SPTLC1: variants seen among roughly 807,000 people sequenced by gnomAD.
SPTLC1 encodes the protein serine palmitoyltransferase long chain base subunit 1, also known as serine palmitoyltransferase 1.
Under a neutral mutation model 68.9 loss-of-function variants are expected in SPTLC1, and 55 were observed. That is an observed-to-expected ratio of 0.80 (90% CI 0.64 to 1.00). The LOEUF (loss-of-function observed/expected upper bound fraction) is 1.00. Ranked by LOEUF, SPTLC1 falls within the 50% of genes least tolerant of loss-of-function variation. The pLI, the probability that SPTLC1 is intolerant of heterozygous loss-of-function variation, is 0.00. For missense variants in SPTLC1, 449 were observed against 573.1 expected, an observed-to-expected ratio of 0.78 and a Z score of 2.21; for synonymous variants, 197 against 201.6, an observed-to-expected ratio of 0.98 and a Z score of 0.19.
chr9:92,085,914 T>A (rs1317876774), intron 3 of SPTLC1, among the ~76,000 whole-genome samples: 10 of 151,912 alleles, frequency 6.6e-5, no homozygotes, highest in African/African-American at 1.9e-4. Context: ...TGCTTTATGA[T>A]TCTGGGTGCT....
intron 5 of SPTLC1, among the ~76,000 whole-genome samples, chr9:92,075,682 C>T (rs1834658271): frequency 6.6e-6 from 1 of 152,192 alleles, no homozygotes; most frequent in Admixed American, 6.5e-5. Context: ...AGGCTATGCC[C>T]CACTCACCTT....
intron 10 of SPTLC1, 78 bp downstream of exon 10, chr9:92,047,535 T>A (rs1833559403): frequency 1.0e-6 from 1 of 962,384 alleles, no homozygotes; most frequent in Non-Finnish European, 1.6e-6. Flanking sequence ...TAAAATTTCG[T>A]ATTTCAAAAT....
At chr9:92,085,104 T>G (rs1374371136) in intron 3 of SPTLC1, among the ~76,000 whole-genome samples, 1 of 151,580 alleles carries the variant, frequency 6.6e-6, no homozygotes, top group Non-Finnish European at 1.5e-5. Flanking sequence ...TTATCATTTT[T>G]TATTGCATCT....
intron 3 of SPTLC1, among the ~76,000 whole-genome samples, chr9:92,100,601 C>CA (rs1327440949): frequency 3.1e-4 from 47 of 152,236 alleles, no homozygotes; most frequent in African/African-American, 1.1e-3. Context: ...CTCAAACCTG[C>CA]AGACCAGCCC....
chr9:92,098,777 A>G (rs533752485), intron 3 of SPTLC1, among the ~76,000 whole-genome samples: 2 of 152,330 alleles, frequency 1.3e-5, no homozygotes, highest in Admixed American at 1.3e-4. Flanking sequence ...GAGACAGGAA[A>G]TAGCCAATGC....
At chr9:92,056,413 G>C (rs1358549052) in intron 7 of SPTLC1, among the ~76,000 whole-genome samples, 2 of 152,156 alleles carry the variant, frequency 1.3e-5, no homozygotes, top group Non-Finnish European at 2.9e-5. Flanking sequence ...ATTTTTAGTA[G>C]AGATGGGGTT....
chr9:92,104,272 C>T (rs1208702599), intron 3 of SPTLC1, among the ~76,000 whole-genome samples: 3 of 152,182 alleles, frequency 2.0e-5, no homozygotes, highest in Non-Finnish European at 4.4e-5. Flanking sequence ...GCAACCTGCT[C>T]GTCTTGTCCG....
intron 13 of SPTLC1, 52 bp downstream of exon 13, chr9:92,038,196 G>C (rs1424947275): frequency 2.4e-5 from 30 of 1,227,776 alleles, no homozygotes; most frequent in Non-Finnish European, 3.0e-5. Context: ...AAATTGCTTG[G>C]GGCAAGGGCA....
At chr9:92,096,250 T>C (rs1301268345) in intron 3 of SPTLC1, among the ~76,000 whole-genome samples, 2 of 152,174 alleles carry the variant, frequency 1.3e-5, no homozygotes, top group Non-Finnish European at 2.9e-5. Flanking sequence ...GGTCCCTGTC[T>C]GATTATCCTA....
intron 6 of SPTLC1, among the ~76,000 whole-genome samples, chr9:92,065,136 T>C (rs1834237219): frequency 6.6e-6 from 1 of 152,246 alleles, no homozygotes. Flanking sequence ...ACAAGTGCTT[T>C]TGAATCTACA....
At chr9:92,110,437 A>G (rs947585470) in intron 2 of SPTLC1, 1 of 152,144 alleles carries the variant, frequency 6.6e-6, no homozygotes, top group African/African-American at 2.4e-5. Context: ...AATCAGTACA[A>G]CCCTTCTACT....
chr9:92,044,672 A>G (rs1833450725), intron 12 of SPTLC1, among the ~76,000 whole-genome samples: 1 of 152,236 alleles, frequency 6.6e-6, no homozygotes, highest in Non-Finnish European at 1.5e-5. Flanking sequence ...ACAAAGTAGC[A>G]GGGACAAGCA....
chr9:92,067,644 G>A (rs904653245), intron 6 of SPTLC1, among the ~76,000 whole-genome samples: 1 of 152,172 alleles, frequency 6.6e-6, no homozygotes, highest in Non-Finnish European at 1.5e-5. Context: ...AGACTTTGCC[G>A]GGCAGTCTGA....
At chr9:92,063,432 C>T (rs1170298864) in intron 6 of SPTLC1, among the ~76,000 whole-genome samples, 1 of 151,964 alleles carries the variant, frequency 6.6e-6, no homozygotes, top group African/African-American at 2.4e-5. Flanking sequence ...AGAATTCTAC[C>T]AAACAATTAA....
intron 5 of SPTLC1, among the ~76,000 whole-genome samples, chr9:92,076,534 C>A (rs1329646248): frequency 6.6e-6 from 1 of 152,172 alleles, no homozygotes; most frequent in African/African-American, 2.4e-5. Flanking sequence ...CTCAAGCTTA[C>A]TCTATCCTCT....
intron 2 of SPTLC1, chr9:92,109,889 C>T (rs550677736): frequency 6.6e-6 from 1 of 152,520 alleles, no homozygotes; most frequent in Non-Finnish European, 1.5e-5. Context: ...AGGAGAATCG[C>T]TTGAACCTGG....
rs1345862427 is a variant in SPTLC1, at chr9:92,038,364, T to C, written c.1138A>G (p.Ile380Val). The C allele has an allele frequency of 6.2e-7, 1 of 1,601,326 alleles. No homozygotes were observed. Among genetic ancestry groups the C allele is most frequent in the Non-Finnish European group, 8.6e-7 (1 of 1,168,654 alleles). The change falls in exon 13 of 15, where the codon ATT becomes GTT. Residue 380 changes from isoleucine to valine, a missense_variant and splice_region_variant. Physicochemically the swap from Ile to Val is conservative, Grantham distance 29. Around this residue, in one of 3 missense-constraint regions of SPTLC1, gnomAD observed 391 missense variants for 472.1 expected, o/e 0.83. Coordinates refer to ENST00000262554, the MANE Select transcript of SPTLC1 (RefSeq NM_006415.4). ...CGQIHKALQGISGLKVVGESL... is the reference protein window; with the variant it reads ...CGQIHKALQGVSGLKVVGESL... Reference sequence around the variant, plus strand: ...TCCCCCACCACTTTTAATCCAGAAATGCTGAAGAAGGGAAACACACACACA... The same window carrying C: ...TCCCCCACCACTTTTAATCCAGAAACGCTGAAGAAGGGAAACACACACACA...
At chr9:92,052,206 T>C (rs1291528770) in intron 8 of SPTLC1, among the ~76,000 whole-genome samples, 3 of 152,174 alleles carry the variant, frequency 2.0e-5, no homozygotes, top group African/African-American at 4.8e-5. Context: ...AAAGCTACAA[T>C]AATTGACACA....
At chr9:92,079,921 G>T in intron 5 of SPTLC1, 95 bp downstream of exon 5, 1 of 1,058,276 alleles carries the variant, frequency 9.4e-7, no homozygotes, top group Non-Finnish European at 1.5e-6. Context: ...TCCCCAAAGT[G>T]CTGGGAGTAC....
Sources: allele counts gnomAD v4.1 joint callset (sites outside exome capture counted in the v4.1 genomes callset), GRCh38; gene constraint gnomAD v4.1.1; regional missense constraint gnomAD v4.1.1; transcripts MANE v1.5; gene names NCBI Gene and HGNC (gene_info 2026-07-23, HGNC 2026-07-21).